The following FGD6 variants were observed in gnomAD, a reference collection of about 807,000 sequenced individuals.
FGD6 encodes the protein FYVE, RhoGEF and PH domain containing 6.
A neutral mutation model predicts 149.4 loss-of-function variants in FGD6; 90 were observed. The ratio of observed to expected loss-of-function variants is 0.60; its 90% CI spans 0.51 to 0.72. The LOEUF (loss-of-function observed/expected upper bound fraction) is 0.72. Among genes scored for constraint, FGD6 ranks in the 30% least tolerant of loss-of-function variants. The probability of loss-of-function intolerance (pLI) is 0.00; values close to 1 mark genes in which losing one functional copy is unlikely to be tolerated. For missense variants in FGD6, 1,437 were observed against 1,684.8 expected (o/e 0.85, Z 2.57); for synonymous variants, 527 against 584.0 (o/e 0.90, Z 1.41).
At chr12:95,095,658 A>T (rs1014325498) in intron 14 of FGD6, among the ~76,000 whole-genome samples, 1 of 152,062 alleles carries the variant, frequency 6.6e-6, no homozygotes, top group South Asian at 2.1e-4. Flanking sequence ...TCAGAATGGG[A>T]TTGTGACTGT....
In FGD6 at chr12:95,081,450, G is replaced by T; in HGVS notation, c.*70C>A. 1 of 1,323,354 alleles carries T rather than the reference G, an allele frequency of 7.6e-7. No homozygotes were observed. The highest frequency in any genetic ancestry group is 2.6e-5 in the East Asian group (1 of 38,232). 82.0% of individuals were successfully genotyped at this position (1,323,354 alleles called of 1,614,324 possible). Reference sequence around the variant, plus strand: ...CAGTGTTCATTTTTATACAATTTTTGAATTGCATTTACTCCATTCTGATGA... The same window carrying T: ...CAGTGTTCATTTTTATACAATTTTTTAATTGCATTTACTCCATTCTGATGA... On this transcript the variant is annotated 3_prime_UTR_variant, in exon 21 of 21. Transcript: ENST00000343958.
intron 14 of FGD6, among the ~76,000 whole-genome samples, chr12:95,103,224 A>G (rs1487295283): frequency 6.6e-6 from 1 of 152,238 alleles, no homozygotes; most frequent in Admixed American, 6.5e-5. Flanking sequence ...CCTGGCATAC[A>G]GTAAGTGTTA....
chr12:95,184,443 T>C (rs1010003208), intron 2 of FGD6, among the ~76,000 whole-genome samples: 10 of 152,234 alleles, frequency 6.6e-5, no homozygotes, highest in African/African-American at 2.2e-4. Flanking sequence ...ACAAATGATA[T>C]GTCTTCAAGG....
chr12:95,215,419 C>T (rs1470378407), intron 1 of FGD6, among the ~76,000 whole-genome samples: 1 of 152,146 alleles, frequency 6.6e-6, no homozygotes, highest in Non-Finnish European at 1.5e-5. Context: ...TCCCAAAAAG[C>T]ACCATAATCA....
At chr12:95,208,518 C>T (rs1458838497) in intron 2 of FGD6, among the ~76,000 whole-genome samples, 1 of 152,110 alleles carries the variant, frequency 6.6e-6, no homozygotes, top group Non-Finnish European at 1.5e-5. Flanking sequence ...AATTTCCTGC[C>T]CCAGGTTTCC....
chr12:95,154,539 A>C (rs1250080786), intron 3 of FGD6, among the ~76,000 whole-genome samples: 1 of 152,182 alleles, frequency 6.6e-6, no homozygotes, highest in East Asian at 1.9e-4. Flanking sequence ...TAAATAAGGA[A>C]CAAGCAAGTA....
intron 2 of FGD6, among the ~76,000 whole-genome samples, chr12:95,183,025 G>T (rs1049884973): frequency 6.6e-6 from 1 of 152,238 alleles, no homozygotes; most frequent in Admixed American, 6.5e-5. Flanking sequence ...ACTCCGCCTG[G>T]CCACGCTATG....
chr12:95,217,302 A>T lies in FGD6; in HGVS notation c.-62T>A. On this transcript the variant is annotated 5_prime_UTR_variant, in exon 1 of 21. An upstream start codon of the reference 5' UTR is lost. Coordinates refer to ENST00000343958, the MANE Select transcript of FGD6 (RefSeq NM_018351.4). Reference sequence around the variant, plus strand: ...TCAATCCATCTTCCCCTTTCAGTCCATTGTTCCCACAGTTCGGGTAGGAGA... The same window carrying T: ...TCAATCCATCTTCCCCTTTCAGTCCTTTGTTCCCACAGTTCGGGTAGGAGA... 6.4e-7 allele frequency: 1 copy of T among 1,565,588 alleles called. No individual in the cohort carries two copies. The highest frequency in any genetic ancestry group is 1.1e-5 in the South Asian group (1 of 87,210).
chr12:95,093,605 G>A (rs1174533213), intron 15 of FGD6, among the ~76,000 whole-genome samples: 5 of 152,090 alleles, frequency 3.3e-5, no homozygotes, highest in Admixed American at 2.0e-4. Flanking sequence ...GAACCTGGGA[G>A]GCGGAGGTTG....
intron 2 of FGD6, among the ~76,000 whole-genome samples, chr12:95,175,840 A>T (rs1365075776): frequency 6.6e-6 from 1 of 151,142 alleles, no homozygotes; most frequent in African/African-American, 2.4e-5. Context: ...AAGAAAAATC[A>T]CCAGGACTTA....
In FGD6 at chr12:95,210,799, T is replaced by A. The variant is rs374034576; in HGVS notation, c.485A>T (p.Tyr162Phe). The A allele has an allele frequency of 5.0e-6, 8 of 1,613,998 alleles. No individual in the cohort carries two copies. Among genetic ancestry groups the A allele is most frequent in the African/African-American group, 2.7e-5 (2 of 75,036 alleles). ...ACCCTGGTTCTTGGCTTTTTCACCA[T>A]ACAAATCACATTTACTCCTAGTTTT... is the stretch of plus-strand genomic sequence containing the variant. Reference protein sequence around the residue: ...TIKTRSKCDLYGEKAKNQGGV... With the variant: ...TIKTRSKCDLFGEKAKNQGGV... The change falls in exon 2 of 21, where the codon TAT becomes TTT. Residue 162 changes from tyrosine (Y) to phenylalanine (F), a missense_variant. Coordinates refer to ENST00000343958, the MANE Select transcript of FGD6 (RefSeq NM_018351.4).
At chr12:95,108,832 T>C (rs949205731) in intron 9 of FGD6, among the ~76,000 whole-genome samples, 2 of 152,184 alleles carry the variant, frequency 1.3e-5, no homozygotes, top group Non-Finnish European at 2.9e-5. Context: ...CTGTAGACCA[T>C]GTTTACTAAC....
rs766786652 is a variant in FGD6, at chr12:95,209,737, TCGGAGGCAG to T, written c.1538_1546del (p.Ala513_Ser515del). On this transcript the variant is annotated inframe_deletion, in exon 2 of 21. Coordinates refer to ENST00000343958, the MANE Select transcript of FGD6 (RefSeq NM_018351.4). The stretch of plus-strand genomic sequence containing the variant: ...ATAAGAACTTTTTTCCAAAAGCTCC[TCGGAGGCAG>T]CCTTTTTAAGCACTCCTGTAGCAGG... 70 of 1,614,002 alleles carry T rather than the reference TCGGAGGCAG, an allele frequency of 4.3e-5. 1 individual carries two copies. In the Admixed American group the frequency reaches 1.1e-3, roughly 26 times the overall value.
chr12:95,120,481 G>A (rs1278190260), intron 8 of FGD6, among the ~76,000 whole-genome samples: 2 of 152,026 alleles, frequency 1.3e-5, no homozygotes, highest in East Asian at 3.9e-4. Flanking sequence ...GAGGTCAGGA[G>A]TTCAAGACCA....
At chr12:95,142,316 T>A (rs1879875435) in intron 5 of FGD6, among the ~76,000 whole-genome samples, 1 of 151,864 alleles carries the variant, frequency 6.6e-6, no homozygotes, top group Non-Finnish European at 1.5e-5. Flanking sequence ...TGATTTTTTG[T>A]ATGTTTTTAG....
Position 95,172,618 on chromosome 12 carries a change from GTCAGGCTCT to G in FGD6, c.2559_2567del (p.Glu854_Asp856del). On this transcript the variant is annotated inframe_deletion, in exon 3 of 21. Transcript: ENST00000343958. Reference sequence around the variant, plus strand: ...AGTATACCTGTTTATCTTCCAGTGGGTCAGGCTCTCCTTTACTTGACTCAGAGCTGACAT... The same window carrying G: ...AGTATACCTGTTTATCTTCCAGTGGGCCTTTACTTGACTCAGAGCTGACAT... The G allele has an allele frequency of 6.2e-7, 1 of 1,609,062 alleles. No individual in the cohort carries two copies. The highest frequency in any genetic ancestry group is 8.5e-7 in the Non-Finnish European group (1 of 1,177,138).
At chr12:95,213,521 G>A (rs764073969) in intron 1 of FGD6, among the ~76,000 whole-genome samples, 22 of 152,092 alleles carry the variant, frequency 1.4e-4, no homozygotes, top group Admixed American at 3.3e-4. Context: ...TGAGTAAGAC[G>A]GTAAATTTAT....
intron 2 of FGD6, among the ~76,000 whole-genome samples, chr12:95,201,975 CA>C (rs930513774): frequency 1.3e-5 from 2 of 151,350 alleles, no homozygotes; most frequent in African/African-American, 4.9e-5. Flanking sequence ...CACACACACA[CA>C]CACACACACA....
intron 2 of FGD6, among the ~76,000 whole-genome samples, chr12:95,194,596 C>T (rs941440367): frequency 3.3e-5 from 4 of 120,582 alleles, no homozygotes; most frequent in Admixed American, 1.0e-4. Context: ...CAGGGGTTGA[C>T]GGGAAGAGGT....
Sources: allele counts gnomAD v4.1 joint callset (sites outside exome capture counted in the v4.1 genomes callset), GRCh38; gene constraint gnomAD v4.1.1; transcripts MANE v1.5; gene names NCBI Gene and HGNC (gene_info 2026-07-23, HGNC 2026-07-21).